Variants in ST6GALNAC6 observed in about 807,000 individuals in gnomAD.
ST6GALNAC6 encodes ST6 N-acetylgalactosaminide alpha-2,6-sialyltransferase 6, also known as alpha-N-acetylgalactosaminide alpha-2,6-sialyltransferase 6.
ST6GALNAC6 carries 19 observed loss-of-function variants against 34.3 expected under a neutral mutation model. That is an observed-to-expected ratio of 0.55 (90% confidence interval 0.39 to 0.81). ST6GALNAC6 has a LOEUF of 0.81. Among genes scored for constraint, ST6GALNAC6 ranks in the 40% least tolerant of loss-of-function variants. The probability of loss-of-function intolerance (pLI) is 0.00; values close to 1 mark genes in which losing one functional copy is unlikely to be tolerated. For synonymous variants in ST6GALNAC6, 185 were observed against 182.1 expected (o/e 1.02, Z -0.13); for missense variants, 377 against 467.7 (o/e 0.81, Z 1.79).
At chr9:127,896,204 A>T (rs781448955) in intron 3 of ST6GALNAC6, 38 bp downstream of exon 3, 2 of 1,603,608 alleles carry the variant, frequency 1.2e-6, no homozygotes, top group African/African-American at 2.7e-5. Context: ...GAGGGAAGTG[A>T]GAGGCTCAAT....
In ST6GALNAC6 at chr9:127,887,516, A is replaced by G. The variant is rs1299684184; in HGVS notation, c.780T>C (p.His260=). 2 of 1,612,796 alleles carry G rather than the reference A, an allele frequency of 1.2e-6. No homozygotes were observed. The highest frequency in any genetic ancestry group is 1.3e-5 in the African/African-American group (1 of 74,900). The part of the protein sequence containing the change: ...VIAVELCDHV[H]VYGMVPPNYC... ...AGTTGGGGGGGACCATGCCATAGAC[A>G]TGCACGTGGTCACACAACTCCACCG... is the stretch of plus-strand genomic sequence containing the variant. The change falls in exon 6 of 7, where the codon CAT becomes CAC. Residue 260 remains histidine (H), a synonymous_variant. Transcript: ENST00000373146.
At chr9:127,896,431 C>A in intron 2 of ST6GALNAC6, 99 bp from the exon 3 acceptor site, 1 of 1,040,108 alleles carries the variant, frequency 9.6e-7, no homozygotes, top group South Asian at 1.5e-5. Flanking sequence ...TTCTATGCAC[C>A]CAGAACTTTA....
intron 2 of ST6GALNAC6, chr9:127,897,301 G>A (rs1291084652): frequency 3.0e-6 from 3 of 985,834 alleles, no homozygotes; most frequent in Non-Finnish European, 3.6e-6. Flanking sequence ...GGGGCTTAGG[G>A]GGCCCTCCTC....
At chr9:127,902,255 T>G (rs920487859), upstream of ST6GALNAC6, among the ~76,000 whole-genome samples, 2 of 151,982 alleles carry the variant, frequency 1.3e-5, no homozygotes, top group African/African-American at 4.8e-5. Context: ...GCCTCCTGGG[T>G]TCAAGTGATT....
chr9:127,897,020 G>T, intron 2 of ST6GALNAC6: 1 of 922,694 alleles, frequency 1.1e-6, no homozygotes, highest in Non-Finnish European at 1.3e-6. Flanking sequence ...TCTAGTCCAG[G>T]CTCGACAGTC....
intron 5 of ST6GALNAC6, among the ~76,000 whole-genome samples, chr9:127,888,530 C>G (rs1292280843): frequency 6.7e-6 from 1 of 150,330 alleles, no homozygotes; most frequent in African/African-American, 2.5e-5. Context: ...AAAAATAGGC[C>G]GGGCGCAGTG....
intron 1 of ST6GALNAC6, 192 bp downstream of exon 1, chr9:127,899,287 GCAAGAGGCCCAGCGGACCCCGCGA>G (rs1830653786): frequency 6.2e-6 from 1 of 160,134 alleles, no homozygotes. Flanking sequence ...GTAGTCGGCG[GCAAGAGGCCCAGCGGACCCCGCGA>G]CAGACCCTGG....
upstream of ST6GALNAC6, chr9:127,905,842 G>A (rs542397964): frequency 5.9e-6 from 4 of 682,392 alleles, no homozygotes; most frequent in South Asian, 6.4e-5. Flanking sequence ...AGAAAGTGGG[G>A]CCAGAAAGAA....
At chr9:127,906,118 T>C, upstream of ST6GALNAC6, 1 of 767,200 alleles carries the variant, frequency 1.3e-6, no homozygotes. Flanking sequence ...AAGTGCCAGG[T>C]CTCAGCCCCC....
chr9:127,906,054 G>C, upstream of ST6GALNAC6: 1 of 983,730 alleles, frequency 1.0e-6, no homozygotes, highest in South Asian at 4.7e-5. Flanking sequence ...AAACTTCTGG[G>C]TCCACCTGGC....
upstream of ST6GALNAC6, among the ~76,000 whole-genome samples, chr9:127,901,699 A>G (rs1406274195): frequency 3.0e-4 from 46 of 152,184 alleles, no homozygotes; most frequent in Non-Finnish European, 1.3e-4. Context: ...TGGGAGGCCA[A>G]GGCAGGCGGA....
intron 4 of ST6GALNAC6, 42 bp from the exon 5 acceptor site, chr9:127,891,085 G>T: frequency 6.3e-7 from 1 of 1,599,548 alleles, no homozygotes; most frequent in South Asian, 1.1e-5. Context: ...GCCACTCTGT[G>T]CTGGCCCTGT....
intron 1 of ST6GALNAC6, 139 bp downstream of exon 1, chr9:127,899,364 G>A (rs1227791301): frequency 4.9e-6 from 2 of 410,308 alleles, no homozygotes; most frequent in African/African-American, 4.3e-5. Flanking sequence ...CAAGGGGGAA[G>A]GGGTCTAGGG....
In ST6GALNAC6 at chr9:127,886,268, T is replaced by C. The variant is rs1349852059; in HGVS notation, c.*331A>G. 1 of 493,566 alleles carries C rather than the reference T, an allele frequency of 2.0e-6. No individual in the cohort carries two copies. The highest frequency in any genetic ancestry group is 2.0e-5 in the African/African-American group (1 of 50,448). The allele number at this position is 493,566 out of a possible 1,614,324, so 30.6% of individuals were successfully genotyped here. Reference sequence around the variant, plus strand: ...AGTGGGGAGTGATTGGGGGGTCCATTCCTGGGGCTCTGAACCAAGGCCTCA... The same window carrying C: ...AGTGGGGAGTGATTGGGGGGTCCATCCCTGGGGCTCTGAACCAAGGCCTCA... On this transcript the variant is annotated 3_prime_UTR_variant, in exon 7 of 7. Transcript: ENST00000373146.
intron 2 of ST6GALNAC6, chr9:127,897,751 T>A (rs1031272206): frequency 2.2e-4 from 280 of 1,289,696 alleles, no homozygotes; most frequent in Admixed American, 3.5e-4. Context: ...CGCCCAGGGG[T>A]CCAGCCGCCT....
intron 6 of ST6GALNAC6, among the ~76,000 whole-genome samples, chr9:127,887,150 T>C (rs923164944): frequency 5.9e-5 from 9 of 152,132 alleles, no homozygotes; most frequent in African/African-American, 2.2e-4. Context: ...ATAACAGTTC[T>C]TATCCCGTAA....
At position 127,891,697 on chromosome 9, in the gene ST6GALNAC6, AAAAGG is replaced by A. The variant is rs376885839; in HGVS notation, c.298-659_298-655del. 5.8e-3 allele frequency among the ~76,000 whole-genome samples: 837 copies of A among 144,932 alleles called. 7 individuals are homozygous for A. Among genetic ancestry groups the A allele is most frequent in the African/African-American group, 0.02 (785 of 39,568 alleles). Reference sequence around the variant, plus strand: ...AAAAGAAAAAGGAAAGGAAAGGGGAAAAAGGAAAGGAAAGGAGAGGAGAGGGAGAA... The same window carrying A: ...AAAAGAAAAAGGAAAGGAAAGGGGAAAAAGGAAAGGAGAGGAGAGGGAGAA... On this transcript the variant is annotated intron_variant, in intron 4 of 6. Transcript: ENST00000373146.
At chr9:127,904,710 CT>C (rs1830869275) in intron 1 of ST6GALNAC6, 1 of 152,394 alleles carries the variant, frequency 6.6e-6, no homozygotes, top group Non-Finnish European at 1.5e-5. Context: ...GAGGAGAGGC[CT>C]GTGAGAGTGG....
Position 127,890,710 on chromosome 9 carries a change from C to T in ST6GALNAC6, c.631G>A (p.Glu211Lys). 6.2e-7 allele frequency: 1 copy of T among 1,613,780 alleles called. No individual in the cohort carries two copies. Among genetic ancestry groups the T allele is most frequent in the Non-Finnish European group, 8.5e-7 (1 of 1,180,020 alleles). Residue 211 changes from glutamate (E) to lysine (K), a missense_variant, in exon 5 of 7, where the codon GAA becomes AAA. Glu to Lys is a moderately conservative substitution (Grantham distance 56, BLOSUM62 1). Transcript: ENST00000373146. The surrounding 1 kb of genome is among the most constrained non-coding windows in gnomAD (Gnocchi z 4.3). ...QRAGLVFPNM[E>K]AYAVSPGRMR... ...CGGCCGGGAGAGACGGCATATGCTT[C>T]CATGTTGGGGAACACCAGGCCCGCT...
Sources: allele counts gnomAD v4.1 joint callset (sites outside exome capture counted in the v4.1 genomes callset), GRCh38; gene constraint gnomAD v4.1.1; non-coding constraint Gnocchi (gnomAD v3.1); transcripts MANE v1.5; gene names NCBI Gene and HGNC (gene_info 2026-07-23, HGNC 2026-07-21).